CFAP61: variants seen among roughly 807,000 people sequenced by gnomAD.
CFAP61 encodes cilia- and flagella-associated protein 61.
Under a neutral mutation model 135.6 loss-of-function variants are expected in CFAP61, and 107 were observed. The ratio of observed to expected loss-of-function variants is 0.79; its 90% CI spans 0.67 to 0.93. The LOEUF (loss-of-function observed/expected upper bound fraction) is 0.93. Among genes scored for constraint, CFAP61 ranks in the 40% least tolerant of loss-of-function variants. The pLI is 0.00. For synonymous variants in CFAP61, 575 were observed against 578.5 expected (o/e 0.99, Z 0.09); for missense variants, 1,507 against 1,556.2 (o/e 0.97, Z 0.53).
At chr20:20,256,599 C>G (rs1453104562) in intron 20 of CFAP61, among the ~76,000 whole-genome samples, 1 of 152,174 alleles carries the variant, frequency 6.6e-6, no homozygotes, top group Non-Finnish European at 1.5e-5. Flanking sequence ...AGAGACAGAA[C>G]TGCTGCTAAA....
chr20:20,114,751 T>C (rs1042280119), intron 8 of CFAP61, among the ~76,000 whole-genome samples: 12 of 152,162 alleles, frequency 7.9e-5, no homozygotes, highest in Admixed American at 6.6e-5. Flanking sequence ...AATTTGTTTA[T>C]CTACTGGCTA....
chr20:20,106,257 G>A (rs974675733), intron 8 of CFAP61, among the ~76,000 whole-genome samples: 48 of 151,860 alleles, frequency 3.2e-4, no homozygotes, highest in African/African-American at 1.1e-3. Flanking sequence ...TTGTTGTCAG[G>A]GACATGACCC....
rs763340302 is a variant in CFAP61 at position 20,199,944 on chromosome 20, C to T, written c.1932+42C>T. ...CAGGCAGGGCGGCGCGGTGCCAGCT[C>T]CCGCGGGCCTGGCAGATGGGGTGGC... On this transcript the variant is annotated intron_variant, in intron 17 of 26. Transcript: ENST00000245957. 1.1e-5 allele frequency: 17 copies of T among 1,607,070 alleles called. No homozygotes were observed. The Admixed American group carries it at 2.8e-4, about 27-fold the overall frequency.
chr20:20,310,076 C>G (rs1172594544), intron 25 of CFAP61, among the ~76,000 whole-genome samples: 1 of 152,170 alleles, frequency 6.6e-6, no homozygotes, highest in Non-Finnish European at 1.5e-5. Flanking sequence ...CTCACTGCAA[C>G]CTCCACCTCC....
In CFAP61 at chr20:20,199,826, G is replaced by A. The variant is rs61744710; in HGVS notation, c.1856G>A (p.Arg619Gln). The change falls in exon 17 of 27, where the codon CGA becomes CAA. Residue 619 changes from arginine to glutamine, a missense_variant. Transcript: ENST00000245957. ...GCCCTTCATTACTTGGTTCCCGTGC[G>A]ACCACGACGACAGATTGTCTATCCT... ...TSALHYLVPV[R>Q]PRRQIVYPLE... 9 of 1,613,978 alleles carry A rather than the reference G, an allele frequency of 5.6e-6. No individual in the cohort carries two copies. The highest frequency in any genetic ancestry group is 5.3e-5 in the African/African-American group (4 of 74,900).
At chr20:20,218,165 C>T (rs1017198230) in intron 17 of CFAP61, among the ~76,000 whole-genome samples, 1 of 152,214 alleles carries the variant, frequency 6.6e-6, no homozygotes, top group Non-Finnish European at 1.5e-5. Context: ...CAAATCTCAA[C>T]TTGAATTATG....
intron 13 of CFAP61, among the ~76,000 whole-genome samples, chr20:20,183,886 C>T (rs2055303436): frequency 6.6e-6 from 1 of 152,142 alleles, no homozygotes; most frequent in Admixed American, 6.5e-5. Context: ...CCGTTCCTCC[C>T]CCTGAAATTC....
At chr20:20,156,644 A>C (rs1201921015) in intron 9 of CFAP61, among the ~76,000 whole-genome samples, 1 of 152,206 alleles carries the variant, frequency 6.6e-6, no homozygotes, top group Non-Finnish European at 1.5e-5. Flanking sequence ...ATCTGATGGA[A>C]TCTACAAAAC....
chr20:20,089,062 C>T (rs570834845), intron 6 of CFAP61, among the ~76,000 whole-genome samples: 6 of 152,124 alleles, frequency 3.9e-5, no homozygotes, highest in Non-Finnish European at 7.4e-5. Context: ...GCTGGCAGGA[C>T]GATAACCTCT....
intron 24 of CFAP61, among the ~76,000 whole-genome samples, chr20:20,295,742 C>T (rs1009475704): frequency 7.9e-4 from 120 of 151,958 alleles, no homozygotes; most frequent in African/African-American, 2.8e-3. Context: ...TGAGGTCATG[C>T]GCCCCCACCC....
chr20:20,121,111 T>A (rs577117268), intron 8 of CFAP61, among the ~76,000 whole-genome samples: 3 of 145,884 alleles, frequency 2.1e-5, no homozygotes, highest in African/African-American at 7.5e-5. Flanking sequence ...TACTTTTTTT[T>A]TTTTTTTTTT....
intron 16 of CFAP61, 69 bp downstream of exon 16, chr20:20,196,845 C>A: frequency 8.0e-7 from 1 of 1,250,772 alleles, no homozygotes. Context: ...TTGTACGCCG[C>A]ATTCTATTCA....
At chr20:20,216,947 C>A (rs1057228541) in intron 17 of CFAP61, among the ~76,000 whole-genome samples, 2 of 152,184 alleles carry the variant, frequency 1.3e-5, no homozygotes, top group African/African-American at 4.8e-5. Context: ...TTGTGTTCAG[C>A]AGTGGCCACT....
chr20:20,221,711 T>C (rs1286255281), intron 17 of CFAP61: 1 of 152,218 alleles, frequency 6.6e-6, no homozygotes, highest in Admixed American at 6.5e-5. Context: ...CTCCTTGTCA[T>C]CTTTTATTTG....
intron 26 of CFAP61, among the ~76,000 whole-genome samples, chr20:20,355,635 A>G (rs1465802671): frequency 7.0e-5 from 7 of 99,470 alleles, no homozygotes; most frequent in African/African-American, 1.7e-4. Flanking sequence ...AGGTCACACT[A>G]AGGGGAGGTA....
At chr20:20,233,716 A>G (rs1353363027) in intron 18 of CFAP61, among the ~76,000 whole-genome samples, 1 of 152,208 alleles carries the variant, frequency 6.6e-6, no homozygotes, top group Non-Finnish European at 1.5e-5. Context: ...TTCGACTCCA[A>G]TATTTAAATG....
rs561201806 is a variant in CFAP61 at position 20,218,424 on chromosome 20, CTCTT to C, written c.1933-9819_1933-9816del. ...CGTGGAACTGTAAGTCCAATTAAAC[CTCTT>C]TCTTTTATAAGTTACCCAGTCTCGG... On this transcript the variant is annotated intron_variant, in intron 17 of 26. Coordinates refer to ENST00000245957, the MANE Select transcript of CFAP61 (RefSeq NM_015585.4). Among the ~76,000 whole-genome samples the C allele has an allele frequency of 3.1e-3, 476 of 152,318 alleles. 3 individuals are homozygous for C. The highest frequency in any genetic ancestry group is 5.5e-3 in the Non-Finnish European group (377 of 68,032).
intron 22 of CFAP61, among the ~76,000 whole-genome samples, chr20:20,283,542 A>G (rs2054351366): frequency 6.6e-6 from 1 of 152,174 alleles, no homozygotes. Flanking sequence ...AATAACATCC[A>G]TTTACTAGTT....
At position 20,320,485 on chromosome 20, in the gene CFAP61, AAT is replaced by A. The variant is rs2057439774; in HGVS notation, c.3423-21341_3423-21340del. Among the ~76,000 whole-genome samples the A allele has an allele frequency of 3.5e-5, 2 of 57,892 alleles. 1 individual carries two copies. The highest frequency in any genetic ancestry group is 1.1e-3 in the South Asian group (2 of 1,840). The allele number at this position is 57,892 out of a possible 152,430, so 38.0% of individuals were successfully genotyped here. ...GTAATATATAATATATGTAATATAT[AAT>A]ATATGTAATATATATTATATATGTA... On this transcript the variant is annotated intron_variant, in intron 25 of 26. Coordinates refer to ENST00000245957, the MANE Select transcript of CFAP61 (RefSeq NM_015585.4).
Sources: allele counts gnomAD v4.1 joint callset (sites outside exome capture counted in the v4.1 genomes callset), GRCh38; gene constraint gnomAD v4.1.1; transcripts MANE v1.5; gene names NCBI Gene and HGNC (gene_info 2026-07-23, HGNC 2026-07-21).